GPC5: variants seen among roughly 807,000 people sequenced by gnomAD.
GPC5 encodes glypican-5.
A neutral mutation model predicts 53.9 loss-of-function variants in GPC5; 47 were observed. That is an observed-to-expected ratio of 0.87 (90% CI 0.69 to 1.11). The LOEUF is 1.11. Ranked by LOEUF, GPC5 falls within the 50% of genes most tolerant of loss-of-function variation. The pLI is 0.00. For synonymous variants in GPC5, 286 were observed against 263.3 expected (o/e 1.09, Z -0.84); for missense variants, 748 against 713.1 (o/e 1.05, Z -0.56).
At chr13:92,647,073 G>C (rs1885797964) in intron 7 of GPC5, among the ~76,000 whole-genome samples, 1 of 151,718 alleles carries the variant, frequency 6.6e-6, no homozygotes, top group Non-Finnish European at 1.5e-5. Flanking sequence ...TGTTAATAAA[G>C]ACAGTTTTGT....
intron 7 of GPC5, among the ~76,000 whole-genome samples, chr13:92,539,698 T>A (rs531390603): frequency 6.6e-6 from 1 of 152,090 alleles, no homozygotes; most frequent in Non-Finnish European, 1.5e-5. Context: ...TCCCCTTCTT[T>A]TGCCTCCTTA....
intron 7 of GPC5, among the ~76,000 whole-genome samples, chr13:92,213,776 G>T (rs1032862296): frequency 6.6e-6 from 1 of 152,104 alleles, no homozygotes; most frequent in East Asian, 1.9e-4. Context: ...CCATTTGATA[G>T]TCTTTTGCTG....
intron 2 of GPC5, among the ~76,000 whole-genome samples, chr13:91,472,819 G>C (rs1424268868): frequency 6.6e-6 from 1 of 152,112 alleles, no homozygotes; most frequent in East Asian, 1.9e-4. Flanking sequence ...GAGAGTAAAG[G>C]ATATAATTTC....
At chr13:92,475,702 G>A (rs963562234) in intron 7 of GPC5, among the ~76,000 whole-genome samples, 3,495 of 152,168 alleles carry the variant, frequency 0.023, 151 homozygotes, top group African/African-American at 0.08. Context: ...TAGATCAATG[G>A]AACAGAACAG....
chr13:91,658,384 A>AT (rs925635187), intron 2 of GPC5, among the ~76,000 whole-genome samples: 27 of 139,836 alleles, frequency 1.9e-4, no homozygotes, highest in Middle Eastern at 3.6e-3. Context: ...TTTTGGGGGA[A>AT]TTTTTTGGGG....
intron 6 of GPC5, among the ~76,000 whole-genome samples, chr13:92,139,878 G>C (rs1354620493): frequency 6.6e-6 from 1 of 151,994 alleles, no homozygotes; most frequent in African/African-American, 2.4e-5. Flanking sequence ...TTATTTCCAA[G>C]TTCAAATAAA....
chr13:92,367,599 C>T (rs767981790), intron 7 of GPC5, among the ~76,000 whole-genome samples: 4 of 152,088 alleles, frequency 2.6e-5, no homozygotes, highest in Admixed American at 6.5e-5. Flanking sequence ...TTTTATCTGC[C>T]GTTTTTATCT....
intron 7 of GPC5, among the ~76,000 whole-genome samples, chr13:92,748,132 G>T (rs1218678795): frequency 6.6e-6 from 1 of 151,812 alleles, no homozygotes; most frequent in Non-Finnish European, 1.5e-5. Context: ...CAAGAAACAG[G>T]TCTAAAAATG....
At chr13:92,484,104 C>G (rs1420258236) in intron 7 of GPC5, among the ~76,000 whole-genome samples, 1 of 152,148 alleles carries the variant, frequency 6.6e-6, no homozygotes, top group Admixed American at 6.6e-5. Flanking sequence ...CTCCACTGCC[C>G]TTCAGCCTGG....
intron 2 of GPC5, among the ~76,000 whole-genome samples, chr13:91,536,720 G>C (rs1449221613): frequency 1.3e-5 from 2 of 152,172 alleles, no homozygotes; most frequent in Non-Finnish European, 2.9e-5. Flanking sequence ...CGCTGGACTA[G>C]GGTCCACCCC....
chr13:92,139,666 CA>C (rs5805729), intron 6 of GPC5, among the ~76,000 whole-genome samples: 975 of 94,106 alleles, frequency 0.01, 15 homozygotes, highest in Admixed American at 0.054. Flanking sequence ...GATTCCGTCT[CA>C]AAAAAAAAAA....
intron 7 of GPC5, among the ~76,000 whole-genome samples, chr13:92,800,318 C>T (rs547232671): frequency 1.3e-5 from 2 of 151,942 alleles, no homozygotes; most frequent in Admixed American, 6.6e-5. Flanking sequence ...CTCCCCTTCT[C>T]GAGACTATGA....
intron 2 of GPC5, among the ~76,000 whole-genome samples, chr13:91,537,136 A>G (rs1886628303): frequency 6.6e-6 from 1 of 152,204 alleles, no homozygotes; most frequent in Non-Finnish European, 1.5e-5. Flanking sequence ...TCCCACCTTA[A>G]GAAAAACAAG....
At chr13:91,984,908 T>C (rs1355371524) in intron 6 of GPC5, among the ~76,000 whole-genome samples, 3 of 152,224 alleles carry the variant, frequency 2.0e-5, no homozygotes, top group Non-Finnish European at 4.4e-5. Flanking sequence ...TCTACCTTGG[T>C]AAATGTTCAA....
At chr13:92,326,254 A>G (rs1327242520) in intron 7 of GPC5, among the ~76,000 whole-genome samples, 1 of 152,112 alleles carries the variant, frequency 6.6e-6, no homozygotes, top group Non-Finnish European at 1.5e-5. Context: ...ATATCCTGCA[A>G]CTATGATAAA....
At chr13:91,573,899 T>C (rs986587500) in intron 2 of GPC5, among the ~76,000 whole-genome samples, 10 of 152,194 alleles carry the variant, frequency 6.6e-5, no homozygotes, top group African/African-American at 2.4e-4. Context: ...TGTATGTGTG[T>C]GCACACCTAT....
chr13:91,502,910 T>TG (rs1884724693), intron 2 of GPC5, among the ~76,000 whole-genome samples: 1 of 152,230 alleles, frequency 6.6e-6, no homozygotes, highest in African/African-American at 2.4e-5. Flanking sequence ...AAGGCTCATA[T>TG]ACTTATGCTC....
intron 3 of GPC5, among the ~76,000 whole-genome samples, chr13:91,707,719 C>T (rs540684445): frequency 6.6e-6 from 1 of 152,282 alleles, no homozygotes; most frequent in East Asian, 1.9e-4. Flanking sequence ...ATGTAAAATG[C>T]TGCAGTCACT....
chr13:91,910,701 T>G (rs919994100), intron 6 of GPC5, among the ~76,000 whole-genome samples: 2 of 152,124 alleles, frequency 1.3e-5, no homozygotes, highest in Non-Finnish European at 2.9e-5. Flanking sequence ...GATAAAGATT[T>G]TTACTTGGAA....
Sources: allele counts gnomAD v4.1 joint callset (sites outside exome capture counted in the v4.1 genomes callset), GRCh38; gene constraint gnomAD v4.1.1; transcripts MANE v1.5; gene names NCBI Gene and HGNC (gene_info 2026-07-23, HGNC 2026-07-21).